The following ARRB1 variants were observed in gnomAD, a reference collection of about 807,000 sequenced individuals.
ARRB1 encodes beta-arrestin-1.
Under a neutral mutation model 56.8 loss-of-function variants are expected in ARRB1, and 21 were observed. The ratio of observed to expected loss-of-function variants is 0.37; its 90% CI spans 0.26 to 0.53. ARRB1 has a LOEUF of 0.53. ARRB1 is among the 20% of genes least tolerant of loss of function. The probability of loss-of-function intolerance (pLI) is 0.88; values close to 1 mark genes in which losing one functional copy is unlikely to be tolerated. For synonymous variants in ARRB1, 210 were observed against 218.6 expected (o/e 0.96, Z 0.35); for missense variants, 424 against 553.7 (o/e 0.77, Z 2.35).
At chr11:75,336,632 A>C (rs1293831923) in intron 1 of ARRB1, among the ~76,000 whole-genome samples, 1 of 152,174 alleles carries the variant, frequency 6.6e-6, no homozygotes, top group Non-Finnish European at 1.5e-5. Context: ...TGTCCCAGGA[A>C]AATTGGGATG....
intron 1 of ARRB1, among the ~76,000 whole-genome samples, chr11:75,319,186 G>A (rs1420931190): frequency 6.6e-6 from 1 of 152,088 alleles, no homozygotes; most frequent in Non-Finnish European, 1.5e-5. Flanking sequence ...CCCATAACCT[G>A]CTCGCCCAGG....
At chr11:75,348,182 C>T (rs1329680633) in intron 1 of ARRB1, among the ~76,000 whole-genome samples, 1 of 152,220 alleles carries the variant, frequency 6.6e-6, no homozygotes, top group Non-Finnish European at 1.5e-5. Flanking sequence ...ATCCCCAGCC[C>T]AGGCCCCAGG....
intron 1 of ARRB1, among the ~76,000 whole-genome samples, chr11:75,302,800 T>C (rs1407683343): frequency 1.3e-5 from 2 of 152,106 alleles, no homozygotes; most frequent in Non-Finnish European, 2.9e-5. Flanking sequence ...ATCATCATTA[T>C]CCTGGCCAGT....
Position 75,292,311 on chromosome 11 carries a change from T to G in ARRB1, c.21-2272A>C, listed in dbSNP as rs188467327. Among the ~76,000 whole-genome samples, 451 of 152,214 alleles carry G rather than the reference T, an allele frequency of 3.0e-3. 8 individuals carry two copies. The highest frequency in any genetic ancestry group is 0.021 in the East Asian group (110 of 5,160). ...TGCACCACCAGGCCAGGCTAATTTT[T>G]GTATTTTTAGTAGAGATGGGGTTTC... On this transcript the variant is annotated intron_variant, in intron 1 of 15. Transcript: ENST00000420843.
intron 1 of ARRB1, among the ~76,000 whole-genome samples, chr11:75,309,735 C>T (rs1193571979): frequency 6.6e-6 from 1 of 152,154 alleles, no homozygotes; most frequent in Non-Finnish European, 1.5e-5. Flanking sequence ...TAGGACAAGG[C>T]TGAATTATTG....
At chr11:75,293,029 A>G (rs920963799) in intron 1 of ARRB1, among the ~76,000 whole-genome samples, 1 of 151,960 alleles carries the variant, frequency 6.6e-6, no homozygotes, top group African/African-American at 2.4e-5. Flanking sequence ...CAACATCGGG[A>G]ATAACAATAA....
At chr11:75,306,439 G>C in intron 1 of ARRB1, 1 of 527,300 alleles carries the variant, frequency 1.9e-6, no homozygotes. Context: ...CTATGCCAGA[G>C]GCTGGTGCGC....
intron 2 of ARRB1, among the ~76,000 whole-genome samples, chr11:75,289,040 TC>T (rs1361310670): frequency 2.0e-5 from 3 of 152,130 alleles, no homozygotes; most frequent in Non-Finnish European, 4.4e-5. Context: ...TGTCTCGGAC[TC>T]TGGGCTGAGA....
At chr11:75,348,219 G>A (rs1591997661) in intron 1 of ARRB1, among the ~76,000 whole-genome samples, 4 of 152,286 alleles carry the variant, frequency 2.6e-5, no homozygotes, top group African/African-American at 9.6e-5. Context: ...CTGCCTCCAA[G>A]CCACTGCACA....
At chr11:75,287,516 C>A in intron 2 of ARRB1, 141 bp from the exon 3 acceptor site, 1 of 758,582 alleles carries the variant, frequency 1.3e-6, no homozygotes, top group Non-Finnish European at 2.1e-6. Context: ...TGGACTTGGG[C>A]CTTCACCCCA....
chr11:75,277,240 G>A (rs1946220745), intron 9 of ARRB1, 124 bp downstream of exon 9: 2 of 1,020,002 alleles, frequency 2.0e-6, no homozygotes, highest in African/African-American at 3.2e-5. Flanking sequence ...CTCAGAGCAG[G>A]CCCTGGGCTT....
intron 1 of ARRB1, among the ~76,000 whole-genome samples, chr11:75,339,349 C>T (rs1024314277): frequency 1.3e-5 from 2 of 152,234 alleles, no homozygotes; most frequent in African/African-American, 2.4e-5. Flanking sequence ...CAGGCAGAAA[C>T]ACTTACTGTG....
chr11:75,321,088 T>C (rs1473294966), intron 1 of ARRB1, among the ~76,000 whole-genome samples: 1 of 152,204 alleles, frequency 6.6e-6, no homozygotes, highest in Non-Finnish European at 1.5e-5. Flanking sequence ...TTGACTTCTC[T>C]TGTTCTCTGT....
chr11:75,313,855 A>G (rs1488907374), intron 1 of ARRB1, among the ~76,000 whole-genome samples: 1 of 152,196 alleles, frequency 6.6e-6, no homozygotes, highest in African/African-American at 2.4e-5. Context: ...CAACAGAAAA[A>G]GCATCACAGC....
chr11:75,310,478 T>A (rs1377114039), intron 1 of ARRB1, among the ~76,000 whole-genome samples: 3 of 152,190 alleles, frequency 2.0e-5, no homozygotes, highest in Admixed American at 6.5e-5. Flanking sequence ...TTGGTCACCA[T>A]GCTACATTGT....
intron 1 of ARRB1, among the ~76,000 whole-genome samples, chr11:75,302,878 G>A (rs1007962924): frequency 5.9e-5 from 9 of 152,102 alleles, no homozygotes; most frequent in Admixed American, 1.3e-4. Context: ...AAAGCCTTGC[G>A]GGTGGGAGGA....
intron 11 of ARRB1, 101 bp downstream of exon 11, chr11:75,273,973 G>C: frequency 1.9e-6 from 3 of 1,550,132 alleles, no homozygotes; most frequent in Admixed American, 3.5e-5. Flanking sequence ...CTATGGAGAG[G>C]GTAGCCTGAG....
intron 1 of ARRB1, among the ~76,000 whole-genome samples, chr11:75,315,695 C>T (rs539960653): frequency 1.3e-5 from 2 of 152,276 alleles, no homozygotes; most frequent in African/African-American, 4.8e-5. Flanking sequence ...AGCCACAAGG[C>T]GCCTTCCACT....
intron 3 of ARRB1, among the ~76,000 whole-genome samples, chr11:75,284,572 C>A (rs1946429309): frequency 6.6e-6 from 1 of 152,114 alleles, no homozygotes; most frequent in Non-Finnish European, 1.5e-5. Context: ...ACTCCTAGAA[C>A]CAGGTATTCT....
Sources: gnomAD v4.1 joint callset for allele counts (sites outside exome capture counted in the v4.1 genomes callset) on GRCh38, gnomAD v4.1.1 for gene constraint, MANE v1.5 for transcripts, NCBI Gene and HGNC (gene_info 2026-07-23, HGNC 2026-07-21) for gene names.